The following ZSWIM5 variants were observed in gnomAD, a reference collection of about 807,000 sequenced individuals.
ZSWIM5 encodes the protein zinc finger SWIM domain-containing protein 5.
A neutral mutation model predicts 119.6 loss-of-function variants in ZSWIM5; 55 were observed. The observed-to-expected ratio is 0.46, with a 90% CI of 0.37 to 0.58. The LOEUF (loss-of-function observed/expected upper bound fraction) is 0.58. Ranked by LOEUF, ZSWIM5 falls within the 20% of genes least tolerant of loss-of-function variation. The pLI, the probability that ZSWIM5 is intolerant of heterozygous loss-of-function variation, is 0.00. For synonymous variants in ZSWIM5, 537 were observed against 606.9 expected, an observed-to-expected ratio of 0.88 and a Z score of 1.69; for missense variants, 1,193 against 1,512.8, an observed-to-expected ratio of 0.79 and a Z score of 3.51.
intron 1 of ZSWIM5, among the ~76,000 whole-genome samples, chr1:45,183,812 C>A (rs1156724538): frequency 6.6e-6 from 1 of 152,148 alleles, no homozygotes; most frequent in Non-Finnish European, 1.5e-5. Context: ...CTGAATTCTA[C>A]CAGAGGTACA....
At chr1:45,164,485 G>C (rs528626638) in intron 1 of ZSWIM5, among the ~76,000 whole-genome samples, 1 of 152,204 alleles carries the variant, frequency 6.6e-6, no homozygotes, top group African/African-American at 2.4e-5. Flanking sequence ...AACATTAAAT[G>C]TAAATGGGCT....
chr1:45,121,604 T>TC (rs980773823), intron 1 of ZSWIM5, among the ~76,000 whole-genome samples: 6 of 125,832 alleles, frequency 4.8e-5, no homozygotes, highest in African/African-American at 1.2e-4. Context: ...TTCTTCTTCT[T>TC]TTTTTTTTTT....
At chr1:45,116,694 G>A (rs1020733109) in intron 1 of ZSWIM5, among the ~76,000 whole-genome samples, 3 of 152,026 alleles carry the variant, frequency 2.0e-5, no homozygotes, top group Non-Finnish European at 4.4e-5. Context: ...ATTACCTTGA[G>A]GAATTAAAAA....
At chr1:45,027,780 G>C (rs1035696488) in intron 11 of ZSWIM5, among the ~76,000 whole-genome samples, 2 of 152,168 alleles carry the variant, frequency 1.3e-5, no homozygotes, top group African/African-American at 4.8e-5. Flanking sequence ...CCAGGCTCAA[G>C]TGATCCTCCC....
intron 1 of ZSWIM5, among the ~76,000 whole-genome samples, chr1:45,163,526 C>T (rs1348590324): frequency 2.6e-5 from 4 of 152,096 alleles, no homozygotes; most frequent in East Asian, 1.9e-4. Context: ...CAAACTTCTC[C>T]GAGCTAAAGG....
intron 2 of ZSWIM5, among the ~76,000 whole-genome samples, chr1:45,068,560 C>A (rs1199682610): frequency 6.6e-6 from 1 of 151,778 alleles, no homozygotes; most frequent in African/African-American, 2.4e-5. Flanking sequence ...TTTTTCTCTA[C>A]CTCAAGGACA....
intron 1 of ZSWIM5, among the ~76,000 whole-genome samples, chr1:45,184,394 G>A (rs1271309793): frequency 6.6e-6 from 1 of 152,160 alleles, no homozygotes; most frequent in African/African-American, 2.4e-5. Context: ...GGAAGTTCTG[G>A]CCAGGGCAAT....
intron 3 of ZSWIM5, 67 bp downstream of exon 3, chr1:45,060,032 G>A: frequency 6.4e-7 from 1 of 1,565,608 alleles, no homozygotes; most frequent in Non-Finnish European, 8.8e-7. Context: ...CCTGAAGTGT[G>A]GTGTGCCCAG....
chr1:45,188,592 A>G (rs1362156055), intron 1 of ZSWIM5, among the ~76,000 whole-genome samples: 2 of 152,240 alleles, frequency 1.3e-5, no homozygotes, highest in African/African-American at 4.8e-5. Context: ...TATACAGTAC[A>G]TGAAGTATAT....
At chr1:45,083,049 G>A (rs943383958) in intron 2 of ZSWIM5, among the ~76,000 whole-genome samples, 1 of 152,132 alleles carries the variant, frequency 6.6e-6, no homozygotes, top group Non-Finnish European at 1.5e-5. Flanking sequence ...GGGGATGGGG[G>A]CAGAACTCAG....
intron 6 of ZSWIM5, 29 bp from the exon 7 acceptor site, chr1:45,040,567 C>A: frequency 6.4e-7 from 1 of 1,554,846 alleles, no homozygotes; most frequent in South Asian, 1.3e-5. Context: ...ATATTTTGGT[C>A]TAGTTAAAAT....
At chr1:45,079,818 G>A (rs568824399) in intron 2 of ZSWIM5, among the ~76,000 whole-genome samples, 1 of 152,106 alleles carries the variant, frequency 6.6e-6, no homozygotes, top group Non-Finnish European at 1.5e-5. Context: ...GGCCCCCAGT[G>A]CTCTTCAGCT....
chr1:45,114,725 G>A (rs572362783), intron 1 of ZSWIM5, among the ~76,000 whole-genome samples: 1 of 151,834 alleles, frequency 6.6e-6, no homozygotes, highest in East Asian at 1.9e-4. Context: ...GGACAATAGT[G>A]GAGGGAAGGT....
chr1:45,063,950 C>T lies in ZSWIM5; in HGVS notation c.953-3703G>A, dbSNP rs1645167584. ...TGAGCCGAGATTGCGCCACTGCACT[C>T]CAGCTTGGGCGACAGAGTGAGACTC... On this transcript the variant is annotated intron_variant, in intron 2 of 13. Coordinates refer to ENST00000359600, the MANE Select transcript of ZSWIM5 (RefSeq NM_020883.2). 2.0e-5 allele frequency among the ~76,000 whole-genome samples: 3 copies of T among 151,782 alleles called. No individual in the cohort carries two copies. In the South Asian group the frequency reaches 6.3e-4, roughly 32 times the overall value.
intron 2 of ZSWIM5, among the ~76,000 whole-genome samples, chr1:45,081,267 C>T (rs989631554): frequency 6.7e-6 from 1 of 148,774 alleles, no homozygotes; most frequent in Non-Finnish European, 1.5e-5. Context: ...CTCCCTCTCC[C>T]TCTCCCTCTC....
At chr1:45,034,170 C>T in intron 11 of ZSWIM5, 142 bp downstream of exon 11, 1 of 1,055,486 alleles carries the variant, frequency 9.5e-7, no homozygotes, top group Non-Finnish European at 1.3e-6. Flanking sequence ...TTTCTAATGG[C>T]AGCAATCAAA....
intron 5 of ZSWIM5, among the ~76,000 whole-genome samples, chr1:45,050,122 C>T (rs538659728): frequency 6.6e-6 from 1 of 152,146 alleles, no homozygotes; most frequent in South Asian, 2.1e-4. Context: ...GAGAGGCTGA[C>T]GGTGGGCAGA....
intron 1 of ZSWIM5, among the ~76,000 whole-genome samples, chr1:45,182,174 TG>T (rs920972990): frequency 6.6e-6 from 1 of 151,944 alleles, no homozygotes. Flanking sequence ...CCCAGCACTT[TG>T]GGAGGCCGAG....
In ZSWIM5 at chr1:45,051,901, G is replaced by A. The variant is rs575653682; in HGVS notation, c.1253-648C>T. 5.2e-4 allele frequency among the ~76,000 whole-genome samples: 79 copies of A among 152,186 alleles called. 2 individuals carry two copies. The South Asian group carries it at 0.015, about 29-fold the overall frequency. On this transcript the variant is annotated intron_variant, in intron 4 of 13. Coordinates refer to ENST00000359600, the MANE Select transcript of ZSWIM5 (RefSeq NM_020883.2). ...CTAGCATATTACCTAGCACATAGTAGAATCTTGGTATTTGCTTATCCAAGA... is the reference window on the plus strand; with the variant it reads ...CTAGCATATTACCTAGCACATAGTAAAATCTTGGTATTTGCTTATCCAAGA...
Sources: gnomAD v4.1 joint callset for allele counts (sites outside exome capture counted in the v4.1 genomes callset) on GRCh38, gnomAD v4.1.1 for gene constraint, MANE v1.5 for transcripts, NCBI Gene and HGNC (gene_info 2026-07-23, HGNC 2026-07-21) for gene names.